The following DPP10 variants were observed in gnomAD, a reference collection of about 807,000 sequenced individuals.
The protein encoded by DPP10 is inactive dipeptidyl peptidase 10.
A neutral mutation model predicts 120.9 loss-of-function variants in DPP10; 33 were observed. The ratio of observed to expected loss-of-function variants is 0.27; its 90% CI spans 0.21 to 0.37. DPP10 has a LOEUF of 0.37. DPP10 is among the 10% of genes least tolerant of loss of function. The pLI, the probability that DPP10 is intolerant of heterozygous loss-of-function variation, is 1.00. For synonymous variants in DPP10, 337 were observed against 326.1 expected, an observed-to-expected ratio of 1.03 and a Z score of -0.36; for missense variants, 816 against 942.8, an observed-to-expected ratio of 0.87 and a Z score of 1.76.
intron 5 of DPP10, among the ~76,000 whole-genome samples, chr2:115,570,080 C>A (rs2149085841): frequency 6.6e-6 from 1 of 152,274 alleles, no homozygotes; most frequent in South Asian, 2.1e-4. Context: ...AGGAAACATA[C>A]TTTTTCTGAC....
At chr2:115,211,337 A>G (rs2056497334) in intron 1 of DPP10, among the ~76,000 whole-genome samples, 1 of 152,026 alleles carries the variant, frequency 6.6e-6, no homozygotes, top group Non-Finnish European at 1.5e-5. Context: ...AAAATAAAAC[A>G]AAAGAATAGG....
At chr2:115,687,485 G>GGATGGATA (rs369660132) in intron 5 of DPP10, among the ~76,000 whole-genome samples, 46 of 146,900 alleles carry the variant, frequency 3.1e-4, no homozygotes, top group Non-Finnish European at 4.7e-4. Context: ...ATGGATGGAT[G>GGATGGATA]GATAGATAGA....
chr2:114,945,958 G>A lies in DPP10; in HGVS notation c.61-363281G>A, dbSNP rs546097037. Among the ~76,000 whole-genome samples, 17 of 152,224 alleles carry A rather than the reference G, an allele frequency of 1.1e-4. No individual in the cohort carries two copies. The South Asian group carries it at 2.7e-3, about 24-fold the overall frequency. On this transcript the variant is annotated intron_variant, in intron 1 of 25. Transcript: ENST00000410059. ...TGTACTCTAAGCCAAGTCCAAACATGAGAAAATATCAGGTAAATCCCAGAT... is the reference window on the plus strand; with the variant it reads ...TGTACTCTAAGCCAAGTCCAAACATAAGAAAATATCAGGTAAATCCCAGAT...
intron 1 of DPP10, among the ~76,000 whole-genome samples, chr2:114,858,163 G>T (rs1689517189): frequency 6.6e-6 from 1 of 151,962 alleles, no homozygotes; most frequent in Non-Finnish European, 1.5e-5. Context: ...CTAATTTTTT[G>T]TATTTTAGTA....
chr2:114,508,460 T>C (rs1683862104), intron 1 of DPP10, among the ~76,000 whole-genome samples: 1 of 152,244 alleles, frequency 6.6e-6, no homozygotes, highest in Non-Finnish European at 1.5e-5. Context: ...TGTTTCATGG[T>C]ATGAATATAT....
intron 1 of DPP10, among the ~76,000 whole-genome samples, chr2:115,200,981 A>G (rs778679078): frequency 1.2e-4 from 19 of 152,220 alleles, no homozygotes; most frequent in Non-Finnish European, 1.8e-4. Context: ...ATATTTGGAA[A>G]CAAGAGAGAC....
At chr2:115,170,583 G>A (rs1200790930) in intron 1 of DPP10, among the ~76,000 whole-genome samples, 7 of 152,118 alleles carry the variant, frequency 4.6e-5, no homozygotes, top group South Asian at 2.1e-4. Flanking sequence ...GGGAAAAGAC[G>A]ATACGTTTCA....
intron 1 of DPP10, among the ~76,000 whole-genome samples, chr2:114,734,179 C>G (rs1677198797): frequency 6.6e-6 from 1 of 152,154 alleles, no homozygotes. Flanking sequence ...ATGGGAAAAA[C>G]CCACATTCTA....
chr2:115,335,877 A>G (rs1306781047), intron 2 of DPP10, among the ~76,000 whole-genome samples: 1 of 152,068 alleles, frequency 6.6e-6, no homozygotes, highest in Non-Finnish European at 1.5e-5. Flanking sequence ...GTACTGGGAA[A>G]ACCCAGCTAA....
chr2:114,535,254 A>G (rs1486392264), intron 1 of DPP10, among the ~76,000 whole-genome samples: 1 of 152,204 alleles, frequency 6.6e-6, no homozygotes, highest in Non-Finnish European at 1.5e-5. Context: ...TGGAGTGAAG[A>G]AGAACATCAT....
At chr2:115,196,842 G>T (rs1432727627) in intron 1 of DPP10, among the ~76,000 whole-genome samples, 3 of 152,168 alleles carry the variant, frequency 2.0e-5, no homozygotes, top group Non-Finnish European at 4.4e-5. Flanking sequence ...GCTTGTCAAA[G>T]AAATGTTTGG....
intron 1 of DPP10, among the ~76,000 whole-genome samples, chr2:114,937,855 T>A (rs1306703835): frequency 2.6e-5 from 4 of 152,160 alleles, no homozygotes; most frequent in Admixed American, 1.3e-4. Flanking sequence ...GCAACTAAGT[T>A]AAGAACCACT....
chr2:115,642,316 A>G (rs756885977), intron 5 of DPP10, among the ~76,000 whole-genome samples: 7 of 152,138 alleles, frequency 4.6e-5, no homozygotes, highest in Non-Finnish European at 1.0e-4. Flanking sequence ...GATGAGATTA[A>G]CATTCAAATC....
intron 1 of DPP10, among the ~76,000 whole-genome samples, chr2:114,844,745 A>G (rs1340919956): frequency 6.6e-6 from 1 of 151,882 alleles, no homozygotes; most frequent in East Asian, 1.9e-4. Flanking sequence ...ATATACTATC[A>G]ACTTATATAT....
chr2:115,354,401 G>A (rs948593607), intron 3 of DPP10, among the ~76,000 whole-genome samples: 2 of 151,942 alleles, frequency 1.3e-5, no homozygotes, highest in African/African-American at 2.4e-5. Context: ...CCAATGTTTA[G>A]TTCCCACTTT....
At chr2:115,757,031 A>G (rs1679498545) in intron 11 of DPP10, among the ~76,000 whole-genome samples, 1 of 152,142 alleles carries the variant, frequency 6.6e-6, no homozygotes, top group South Asian at 2.1e-4. Flanking sequence ...TTTACCTCTT[A>G]ATACTGTTGC....
At position 114,947,456 on chromosome 2, in the gene DPP10, G is replaced by A. The variant is rs75672935; in HGVS notation, c.61-361783G>A. Among the ~76,000 whole-genome samples the A allele has an allele frequency of 3.2e-3, 479 of 150,530 alleles. 1 individual carries two copies. The highest frequency in any genetic ancestry group is 0.011 in the African/African-American group (468 of 41,052). ...TTTATGTGAATTTGAGTTTCAGGTC[G>A]GTCATAATTGCATAGTCATATTTAT... On this transcript the variant is annotated intron_variant, in intron 1 of 25. Transcript: ENST00000410059.
intron 1 of DPP10, among the ~76,000 whole-genome samples, chr2:115,217,485 A>G (rs1322452272): frequency 6.6e-6 from 1 of 152,198 alleles, no homozygotes; most frequent in African/African-American, 2.4e-5. Flanking sequence ...ACAGATAGCA[A>G]TAATTGGCTA....
intron 1 of DPP10, among the ~76,000 whole-genome samples, chr2:115,111,292 C>T (rs1054131809): frequency 4.0e-5 from 6 of 150,590 alleles, no homozygotes; most frequent in Non-Finnish European, 8.9e-5. Flanking sequence ...TCATTGGTTT[C>T]CCAGTAAGCA....
Sources: allele counts gnomAD v4.1 joint callset (sites outside exome capture counted in the v4.1 genomes callset), GRCh38; gene constraint gnomAD v4.1.1; transcripts MANE v1.5; gene names NCBI Gene and HGNC (gene_info 2026-07-23, HGNC 2026-07-21).